The following EBF2 variants were observed in gnomAD, a reference collection of about 807,000 sequenced individuals.
EBF2 encodes EBF transcription factor 2, also known as transcription factor COE2.
In EBF2, 21 loss-of-function variants were observed where a neutral mutation model predicts 72.8. That is an observed-to-expected ratio of 0.29 (90% CI 0.20 to 0.42). The LOEUF (loss-of-function observed/expected upper bound fraction) is 0.42, where lower values mean the gene tolerates loss of function less well. Among genes scored for constraint, EBF2 ranks in the 10% least tolerant of loss-of-function variants. The pLI is 1.00. For missense variants in EBF2, 637 were observed against 731.2 expected (o/e 0.87, Z 1.49); for synonymous variants, 299 against 274.2 (o/e 1.09, Z -0.89).
intron 6 of EBF2, among the ~76,000 whole-genome samples, chr8:25,946,622 A>G (rs1181055678): frequency 6.6e-6 from 1 of 151,906 alleles, no homozygotes; most frequent in Admixed American, 6.6e-5. Flanking sequence ...GAATGACAAC[A>G]CCCTCTTTGA....
chr8:25,935,264 G>T (rs1417170087), intron 6 of EBF2, among the ~76,000 whole-genome samples: 3 of 151,876 alleles, frequency 2.0e-5, no homozygotes, highest in Non-Finnish European at 4.4e-5. Flanking sequence ...ATTGGAAAGG[G>T]GGGGAAAAGC....
At chr8:25,938,964 G>A (rs1803625389) in intron 6 of EBF2, among the ~76,000 whole-genome samples, 1 of 152,072 alleles carries the variant, frequency 6.6e-6, no homozygotes, top group Admixed American at 6.5e-5. Context: ...TTACAGCTGA[G>A]CTTCCCAGAG....
At chr8:25,850,571 C>T in intron 15 of EBF2, 23 bp downstream of exon 15, 1 of 1,523,184 alleles carries the variant, frequency 6.6e-7, no homozygotes, top group Admixed American at 2.4e-5. Context: ...ATTGTGTATC[C>T]CCAAAATAGA....
At chr8:25,850,794 ATTAAGATCTT>A in intron 14 of EBF2, 33 bp from the exon 15 acceptor site, 1 of 1,541,410 alleles carries the variant, frequency 6.5e-7, no homozygotes, top group Non-Finnish European at 8.7e-7. Context: ...TCATTTAGAA[ATTAAGATCTT>A]CCTTCAGTTC....
At chr8:25,896,148 C>A (rs1030915513) in intron 7 of EBF2, among the ~76,000 whole-genome samples, 2 of 152,198 alleles carry the variant, frequency 1.3e-5, no homozygotes, top group African/African-American at 4.8e-5. Flanking sequence ...TGTGTGGAAT[C>A]ACCAAATGAT....
chr8:26,039,575 G>A (rs993914609), intron 5 of EBF2, among the ~76,000 whole-genome samples: 1 of 152,216 alleles, frequency 6.6e-6, no homozygotes, highest in African/African-American at 2.4e-5. Flanking sequence ...AAGCACCCCG[G>A]AAATGAGCCG....
At chr8:25,877,815 G>A (rs894635398) in intron 10 of EBF2, among the ~76,000 whole-genome samples, 2 of 152,102 alleles carry the variant, frequency 1.3e-5, no homozygotes, top group African/African-American at 2.4e-5. Flanking sequence ...ACCCTCCCAC[G>A]GGTGGAGTGC....
chr8:25,914,096 C>T (rs948481334), intron 6 of EBF2, among the ~76,000 whole-genome samples: 1 of 152,156 alleles, frequency 6.6e-6, no homozygotes, highest in African/African-American at 2.4e-5. Flanking sequence ...TTAGGCAATC[C>T]AAGCTCTCAC....
chr8:26,007,424 A>G (rs998950305), intron 6 of EBF2, among the ~76,000 whole-genome samples: 1 of 152,086 alleles, frequency 6.6e-6, no homozygotes, highest in African/African-American at 2.4e-5. Flanking sequence ...TCTCCTGCCA[A>G]TATTGTCATT....
chr8:25,863,343 C>T (rs1023253279), intron 10 of EBF2, among the ~76,000 whole-genome samples: 3 of 151,836 alleles, frequency 2.0e-5, no homozygotes, highest in Non-Finnish European at 2.9e-5. Flanking sequence ...AACTATCAGC[C>T]CCCCACCCCA....
intron 7 of EBF2, among the ~76,000 whole-genome samples, chr8:25,902,623 G>A (rs1039241866): frequency 1.3e-5 from 2 of 151,970 alleles, no homozygotes; most frequent in South Asian, 2.1e-4. Context: ...AAAACATATC[G>A]ATTGCCTTCA....
intron 3 of EBF2, 99 bp downstream of exon 3, chr8:26,040,840 C>T: frequency 6.4e-7 from 1 of 1,558,938 alleles, no homozygotes; most frequent in Non-Finnish European, 8.8e-7. Context: ...CCGCCCTGGG[C>T]TCCATGCGAT....
At chr8:25,914,493 T>C (rs905306536) in intron 6 of EBF2, among the ~76,000 whole-genome samples, 1 of 152,124 alleles carries the variant, frequency 6.6e-6, no homozygotes, top group African/African-American at 2.4e-5. Context: ...GCTTTTAAGA[T>C]CTTGTGAAGA....
intron 9 of EBF2, 37 bp from the exon 10 acceptor site, chr8:25,886,918 T>C: frequency 6.2e-7 from 1 of 1,604,966 alleles, no homozygotes; most frequent in East Asian, 2.2e-5. Context: ...AAATACCCAT[T>C]AGACAAGCCA....
At chr8:25,873,958 C>G (rs1802479809) in intron 10 of EBF2, among the ~76,000 whole-genome samples, 1 of 152,166 alleles carries the variant, frequency 6.6e-6, no homozygotes, top group Admixed American at 6.5e-5. Flanking sequence ...TCAGACTCAG[C>G]TGAATGATGT....
intron 6 of EBF2, among the ~76,000 whole-genome samples, chr8:25,918,113 G>A (rs989645402): frequency 3.3e-5 from 5 of 152,162 alleles, no homozygotes; most frequent in Admixed American, 2.0e-4. Context: ...GCAGAATGAC[G>A]CATCATGCAA....
At chr8:25,905,025 A>T (rs1803012082) in intron 7 of EBF2, among the ~76,000 whole-genome samples, 1 of 152,216 alleles carries the variant, frequency 6.6e-6, no homozygotes, top group Non-Finnish European at 1.5e-5. Context: ...CAACTAAAAA[A>T]TGGGCAAAGG....
chr8:25,852,352 A>G (rs1801999584), intron 14 of EBF2, among the ~76,000 whole-genome samples: 1 of 152,166 alleles, frequency 6.6e-6, no homozygotes, highest in African/African-American at 2.4e-5. Flanking sequence ...CATTTTCTCT[A>G]CGGTACAGAA....
At chr8:25,880,942 A>C (rs4518679) in intron 10 of EBF2, among the ~76,000 whole-genome samples, 152,272 of 152,272 alleles carry the variant, frequency 1, 76,136 homozygotes, top group Non-Finnish European at 1. Context: ...ACTCTGAAAC[A>C]TGAGTGTCGT....
Sources: gnomAD v4.1 joint callset for allele counts (sites outside exome capture counted in the v4.1 genomes callset) on GRCh38, gnomAD v4.1.1 for gene constraint, MANE v1.5 for transcripts, NCBI Gene and HGNC (gene_info 2026-07-23, HGNC 2026-07-21) for gene names.